The following GALNTL6 variants were observed in gnomAD, a reference collection of about 807,000 sequenced individuals.
The protein encoded by GALNTL6 is polypeptide N-acetylgalactosaminyltransferase like 6.
GALNTL6 carries 46 observed loss-of-function variants against 73.7 expected under a neutral mutation model. That is an observed-to-expected ratio of 0.62 (90% CI 0.49 to 0.80). The LOEUF (loss-of-function observed/expected upper bound fraction) is 0.80, where lower values mean the gene tolerates loss of function less well. Ranked by LOEUF, GALNTL6 falls within the 30% of genes least tolerant of loss-of-function variation. GALNTL6 has a pLI of 0.00. For missense variants in GALNTL6, 604 were observed against 755.0 expected (o/e 0.80, Z 2.34); for synonymous variants, 259 against 263.7 (o/e 0.98, Z 0.17).
At chr4:172,402,602 TAGAA>T (rs1485991667) in intron 5 of GALNTL6, among the ~76,000 whole-genome samples, 4 of 151,988 alleles carry the variant, frequency 2.6e-5, no homozygotes, top group Non-Finnish European at 5.9e-5. Flanking sequence ...CCACCAGAAA[TAGAA>T]AGGATTTCAA....
At chr4:172,515,405 T>A (rs150765912) in intron 5 of GALNTL6, among the ~76,000 whole-genome samples, 131 of 152,302 alleles carry the variant, frequency 8.6e-4, no homozygotes, top group Middle Eastern at 6.8e-3. Context: ...CCCTTGGGCT[T>A]GTGTGTGATG....
intron 2 of GALNTL6, among the ~76,000 whole-genome samples, chr4:171,880,976 G>A (rs942909843): frequency 4.6e-5 from 7 of 152,004 alleles, no homozygotes; most frequent in Non-Finnish European, 1.0e-4. Context: ...AGTAAGCAAT[G>A]TGAACAAGCC....
intron 2 of GALNTL6, among the ~76,000 whole-genome samples, chr4:171,850,334 T>A (rs1735488153): frequency 6.6e-6 from 1 of 152,210 alleles, no homozygotes; most frequent in Non-Finnish European, 1.5e-5. Context: ...GCACAGCCTC[T>A]GTAAACTGGC....
At chr4:172,812,530 C>T (rs1741369000) in intron 6 of GALNTL6, among the ~76,000 whole-genome samples, 1 of 151,610 alleles carries the variant, frequency 6.6e-6, no homozygotes, top group Non-Finnish European at 1.5e-5. Context: ...CCAAAGGATG[C>T]AAATGCCAGT....
In GALNTL6 at chr4:171,882,851, C is replaced by T. The variant is rs183518644; in HGVS notation, c.138+68133C>T. ...TGACACTCAATACTAACCATCACAA[C>T]TATGTTTCGGGTAGTTAGTCCGTTG... On this transcript the variant is annotated intron_variant, in intron 2 of 12. Transcript: ENST00000506823. Among the ~76,000 whole-genome samples, 933 of 152,318 alleles carry T rather than the reference C, an allele frequency of 6.1e-3. 10 individuals are homozygous for T. The highest frequency in any genetic ancestry group is 0.021 in the African/African-American group (870 of 41,574).
At chr4:172,029,477 T>C (rs1478222509) in intron 2 of GALNTL6, among the ~76,000 whole-genome samples, 1 of 152,038 alleles carries the variant, frequency 6.6e-6, no homozygotes, top group Non-Finnish European at 1.5e-5. Context: ...AGCTACAAAT[T>C]CCCTCACAAT....
At chr4:172,695,707 G>A (rs1733642407) in intron 5 of GALNTL6, among the ~76,000 whole-genome samples, 3 of 152,162 alleles carry the variant, frequency 2.0e-5, no homozygotes, top group Non-Finnish European at 4.4e-5. Context: ...CAGCACTTTG[G>A]GAGGCCGAGG....
intron 5 of GALNTL6, among the ~76,000 whole-genome samples, chr4:172,357,084 A>G (rs1561043312): frequency 2.0e-5 from 3 of 152,156 alleles, no homozygotes; most frequent in Non-Finnish European, 4.4e-5. Flanking sequence ...AATCATAATG[A>G]CTTTAGCACA....
At chr4:172,607,645 T>C (rs1359957247) in intron 5 of GALNTL6, among the ~76,000 whole-genome samples, 1 of 152,184 alleles carries the variant, frequency 6.6e-6, no homozygotes, top group Non-Finnish European at 1.5e-5. Flanking sequence ...TGAATGGTGG[T>C]CCTAAGTTCT....
chr4:172,767,885 A>T (rs919364177), intron 5 of GALNTL6, among the ~76,000 whole-genome samples: 4 of 151,946 alleles, frequency 2.6e-5, no homozygotes, highest in South Asian at 2.1e-4. Flanking sequence ...GAACAGGATG[A>T]TCTCAATCTC....
intron 5 of GALNTL6, among the ~76,000 whole-genome samples, chr4:172,498,009 T>TTG (rs1424895953): frequency 5.7e-4 from 85 of 148,652 alleles, no homozygotes; most frequent in African/African-American, 2.0e-3. Context: ...TTTGTTTTTT[T>TTG]GAGATGGAGT....
chr4:172,201,563 G>A (rs189511594), intron 2 of GALNTL6, among the ~76,000 whole-genome samples: 77 of 151,468 alleles, frequency 5.1e-4, no homozygotes, highest in African/African-American at 1.6e-3. Flanking sequence ...GTTGGCACTC[G>A]TAAAGGTCTC....
At chr4:172,839,944 G>A (rs1313346185) in intron 7 of GALNTL6, among the ~76,000 whole-genome samples, 1 of 152,150 alleles carries the variant, frequency 6.6e-6, no homozygotes, top group Non-Finnish European at 1.5e-5. Context: ...ACATAATGTT[G>A]ACAGTCAAAT....
chr4:172,769,011 A>G (rs1738602892), intron 5 of GALNTL6, among the ~76,000 whole-genome samples: 1 of 152,084 alleles, frequency 6.6e-6, no homozygotes, highest in Non-Finnish European at 1.5e-5. Flanking sequence ...GCAAACAGAT[A>G]AGCAGTTGAG....
chr4:172,186,950 A>G (rs934999209), intron 2 of GALNTL6, among the ~76,000 whole-genome samples: 9 of 152,132 alleles, frequency 5.9e-5, no homozygotes, highest in African/African-American at 1.9e-4. Context: ...AAAAATAAAT[A>G]AAGTTCGATA....
rs376645388 is a variant in GALNTL6, at chr4:172,275,303, T to C, written c.248-36311T>C. 4.6e-3 allele frequency among the ~76,000 whole-genome samples: 704 copies of C among 152,344 alleles called. 3 individuals are homozygous for C. The highest frequency in any genetic ancestry group is 0.011 in the African/African-American group (466 of 41,578). Reference sequence around the variant, plus strand: ...TCGTTATTTACTGAAATCTTAGATCTGTGGTATCATGTAGGTAAATAATTT... The same window carrying C: ...TCGTTATTTACTGAAATCTTAGATCCGTGGTATCATGTAGGTAAATAATTT... On this transcript the variant is annotated intron_variant, in intron 3 of 12. Coordinates refer to ENST00000506823, the MANE Select transcript of GALNTL6 (RefSeq NM_001034845.3).
At chr4:172,224,795 A>T (rs774825734) in intron 2 of GALNTL6, among the ~76,000 whole-genome samples, 1 of 152,034 alleles carries the variant, frequency 6.6e-6, no homozygotes, top group Admixed American at 6.6e-5. Flanking sequence ...AAGTGTTTTA[A>T]TTTTTTACCT....
At chr4:171,955,897 G>C (rs1437022883) in intron 2 of GALNTL6, among the ~76,000 whole-genome samples, 1 of 152,066 alleles carries the variant, frequency 6.6e-6, no homozygotes, top group African/African-American at 2.4e-5. Flanking sequence ...TATGCAATTA[G>C]TTAAAAGTAC....
chr4:172,131,512 G>A (rs537466933), intron 2 of GALNTL6, among the ~76,000 whole-genome samples: 218 of 147,350 alleles, frequency 1.5e-3, no homozygotes, highest in African/African-American at 4.9e-3. Context: ...ATATATGTGT[G>A]CATATATATA....
Sources: gnomAD v4.1 joint callset for allele counts (sites outside exome capture counted in the v4.1 genomes callset) on GRCh38, gnomAD v4.1.1 for gene constraint, MANE v1.5 for transcripts, NCBI Gene and HGNC (gene_info 2026-07-23, HGNC 2026-07-21) for gene names.